Variants in RAD54L2 observed in about 807,000 individuals in gnomAD.
RAD54L2 encodes the protein helicase ARIP4.
In RAD54L2, 27 loss-of-function variants were observed where a neutral mutation model predicts 138.4. The observed-to-expected ratio is 0.20, with a 90% confidence interval of 0.14 to 0.27. RAD54L2 has a LOEUF of 0.27. Among genes scored for constraint, RAD54L2 ranks in the 10% least tolerant of loss-of-function variants. The pLI is 1.00. For missense variants in RAD54L2, 1,396 were observed against 1,890.2 expected (o/e 0.74, Z 4.85); for synonymous variants, 644 against 723.2 (o/e 0.89, Z 1.76).
chr3:51,600,451 C>T (rs1466945238), intron 3 of RAD54L2, among the ~76,000 whole-genome samples: 1 of 151,926 alleles, frequency 6.6e-6, no homozygotes, highest in African/African-American at 2.4e-5. Context: ...TCCATCACTA[C>T]AAAAAATTTA....
Position 51,643,838 on chromosome 3 carries a change from A to AAT in RAD54L2, c.2351-32_2351-31dup, listed in dbSNP as rs1701202944. On this transcript the variant is annotated intron_variant, in intron 15 of 22. Coordinates refer to ENST00000684192, the MANE Select transcript of RAD54L2 (RefSeq NM_015106.4). Reference sequence around the variant, plus strand: ...TGATTTTGCTGTATATCCTTGCTCTAATATATCCACTGCTTATGGTTTTCC... The same window carrying AAT: ...TGATTTTGCTGTATATCCTTGCTCTAATATATATCCACTGCTTATGGTTTTCC... 4.1e-6 allele frequency: 6 copies of AAT among 1,481,306 alleles called. No homozygotes were observed. The South Asian group carries it at 6.0e-5, about 15-fold the overall frequency. 91.8% of individuals were successfully genotyped at this position (1,481,306 alleles called of 1,614,324 possible).
chr3:51,549,469 C>T (rs1391719774), intron 2 of RAD54L2, among the ~76,000 whole-genome samples: 1 of 152,026 alleles, frequency 6.6e-6, no homozygotes, highest in Non-Finnish European at 1.5e-5. Context: ...GTATAGAAAT[C>T]GGGAGAAAAA....
At chr3:51,628,019 G>T (rs1163846159) in intron 4 of RAD54L2, among the ~76,000 whole-genome samples, 1 of 152,158 alleles carries the variant, frequency 6.6e-6, no homozygotes, top group Non-Finnish European at 1.5e-5. Flanking sequence ...GTGGCAGCCC[G>T]AAGATGATAG....
intron 2 of RAD54L2, among the ~76,000 whole-genome samples, chr3:51,580,628 A>G (rs1699585119): frequency 1.3e-5 from 2 of 152,170 alleles, no homozygotes; most frequent in Non-Finnish European, 2.9e-5. Flanking sequence ...ATTATAAATA[A>G]CAAAAGACAC....
chr3:51,627,444 T>G, intron 3 of RAD54L2, 109 bp from the exon 4 acceptor site: 6 of 1,050,566 alleles, frequency 5.7e-6, no homozygotes, highest in Non-Finnish European at 8.5e-6. Flanking sequence ...TTGCCTTAGA[T>G]TACCAGCTAA....
At chr3:51,594,011 C>T (rs550322263) in intron 3 of RAD54L2, among the ~76,000 whole-genome samples, 1 of 151,480 alleles carries the variant, frequency 6.6e-6, no homozygotes, top group Non-Finnish European at 1.5e-5. Context: ...CTCCATCCCC[C>T]CATAAGCATT....
chr3:51,661,312 T>C (rs1347783329), intron 22 of RAD54L2, among the ~76,000 whole-genome samples: 1 of 152,220 alleles, frequency 6.6e-6, no homozygotes, highest in Non-Finnish European at 1.5e-5. Flanking sequence ...AAAATACTAT[T>C]TACTCCTTTT....
At chr3:51,586,331 T>G in intron 2 of RAD54L2, among the ~76,000 whole-genome samples, 1 of 152,238 alleles carries the variant, frequency 6.6e-6, no homozygotes, top group African/African-American at 2.4e-5. Flanking sequence ...TTGCCCAGGC[T>G]TGTCTTGAAC....
At chr3:51,648,562 C>G (rs1425664938) in intron 19 of RAD54L2, among the ~76,000 whole-genome samples, 1 of 152,158 alleles carries the variant, frequency 6.6e-6, no homozygotes, top group Non-Finnish European at 1.5e-5. Flanking sequence ...CGACTGACAC[C>G]TCATACAGCC....
chr3:51,658,476 G>T (rs1324848466), intron 21 of RAD54L2, among the ~76,000 whole-genome samples: 1 of 152,168 alleles, frequency 6.6e-6, no homozygotes, highest in Non-Finnish European at 1.5e-5. Flanking sequence ...CTTTCAGAGG[G>T]ATATGAGATT....
intron 2 of RAD54L2, among the ~76,000 whole-genome samples, chr3:51,584,272 C>T (rs1221320544): frequency 1.3e-5 from 2 of 152,082 alleles, no homozygotes; most frequent in Non-Finnish European, 2.9e-5. Context: ...CTTCTGTGGC[C>T]CTGGTCCTTC....
At chr3:51,615,992 A>AAG (rs1233953772) in intron 3 of RAD54L2, among the ~76,000 whole-genome samples, 1 of 152,052 alleles carries the variant, frequency 6.6e-6, no homozygotes, top group Non-Finnish European at 1.5e-5. Context: ...TTTTCAAAAA[A>AAG]AGTTTTTTAA....
At chr3:51,544,750 G>A (rs1553671910) in intron 2 of RAD54L2, among the ~76,000 whole-genome samples, 2 of 152,158 alleles carry the variant, frequency 1.3e-5, no homozygotes, top group African/African-American at 4.8e-5. Flanking sequence ...GGGACTATAG[G>A]TGCGCCACCA....
intron 2 of RAD54L2, among the ~76,000 whole-genome samples, chr3:51,579,623 C>A (rs1411166607): frequency 6.6e-6 from 1 of 152,122 alleles, no homozygotes; most frequent in African/African-American, 2.4e-5. Context: ...CTACGTATTT[C>A]CATTTACGAA....
At chr3:51,607,587 T>A (rs954009428) in intron 3 of RAD54L2, among the ~76,000 whole-genome samples, 6 of 152,232 alleles carry the variant, frequency 3.9e-5, no homozygotes, top group African/African-American at 1.4e-4. Flanking sequence ...AAACCGCCAT[T>A]GTCATCATGG....
chr3:51,630,493 G>A, intron 6 of RAD54L2, 105 bp downstream of exon 6: 1 of 1,139,242 alleles, frequency 8.8e-7, no homozygotes, highest in South Asian at 1.4e-5. Flanking sequence ...TTTGGGATGT[G>A]GCTTTGACTA....
In RAD54L2 at chr3:51,663,206, T is replaced by C. The variant is rs1701830911; in HGVS notation, c.4190T>C (p.Phe1397Ser). 1 of 1,613,946 alleles carries C rather than the reference T, an allele frequency of 6.2e-7. No homozygotes were observed. The highest frequency in any genetic ancestry group is 1.3e-5 in the African/African-American group (1 of 75,036). ...CCACTCCTGTCCGAGCCGAGGATGT[T>C]TGCGCCTTTTCCTTCCCCTGTCTTG... ...SQPLLSEPRM[F>S]APFPSPVLPS... Residue 1397 changes from phenylalanine (F) to serine (S), a missense_variant, in exon 23 of 23, where the codon TTT becomes TCT. By Grantham distance (155) the Phe-to-Ser change is radical. Transcript: ENST00000684192.
chr3:51,589,092 A>G (rs779505848), intron 2 of RAD54L2, among the ~76,000 whole-genome samples: 1 of 152,170 alleles, frequency 6.6e-6, no homozygotes, highest in Non-Finnish European at 1.5e-5. Context: ...GATTATATAC[A>G]ACTGTTCCTC....
At chr3:51,570,201 TG>T (rs1482073745) in intron 2 of RAD54L2, among the ~76,000 whole-genome samples, 4 of 146,412 alleles carry the variant, frequency 2.7e-5, no homozygotes, top group African/African-American at 1.0e-4. Flanking sequence ...TGGAGTGCAG[TG>T]GCGCGATCTC....
Sources: allele counts gnomAD v4.1 joint callset (sites outside exome capture counted in the v4.1 genomes callset), GRCh38; gene constraint gnomAD v4.1.1; transcripts MANE v1.5; gene names NCBI Gene and HGNC (gene_info 2026-07-23, HGNC 2026-07-21).